Variants in GNA14 observed in about 807,000 individuals in gnomAD.
The protein encoded by GNA14 is guanine nucleotide-binding protein subunit alpha-14.
A neutral mutation model predicts 42.0 loss-of-function variants in GNA14; 50 were observed. The observed-to-expected ratio is 1.19, with a 90% CI of 0.95 to 1.51. The LOEUF (loss-of-function observed/expected upper bound fraction) is 1.51, where lower values mean the gene tolerates loss of function less well. Ranked by LOEUF, GNA14 falls within the 40% of genes most tolerant of loss-of-function variation. The probability of loss-of-function intolerance (pLI) is 0.00; values close to 1 mark genes in which losing one functional copy is unlikely to be tolerated. For synonymous variants in GNA14, 173 were observed against 163.1 expected (o/e 1.06, Z -0.46); for missense variants, 473 against 446.2 (o/e 1.06, Z -0.54).
intron 2 of GNA14, among the ~76,000 whole-genome samples, chr9:77,478,022 A>C (rs1836463744): frequency 7.5e-6 from 1 of 132,900 alleles, no homozygotes; most frequent in Admixed American, 7.6e-5. Context: ...AGACCTTTTT[A>C]AAGGTGTCTT....
chr9:77,629,862 A>C (rs1454118634), intron 1 of GNA14, among the ~76,000 whole-genome samples: 1 of 152,218 alleles, frequency 6.6e-6, no homozygotes, highest in African/African-American at 2.4e-5. Flanking sequence ...CATGTATCCC[A>C]GAACTTAAAG....
In GNA14 at chr9:77,647,849, C is replaced by T; in HGVS notation, c.-56G>A. On this transcript the variant is annotated 5_prime_UTR_variant, in exon 1 of 7. Transcript: ENST00000341700. ...ACGCGGCCCCGGGCACCCGAATCCTCGGCCCGGCCGCTCACCCGGCCAGCA... is the reference window on the plus strand; with the variant it reads ...ACGCGGCCCCGGGCACCCGAATCCTTGGCCCGGCCGCTCACCCGGCCAGCA... 6 of 1,565,742 alleles carry T rather than the reference C, an allele frequency of 3.8e-6. No individual in the cohort carries two copies. Among genetic ancestry groups the T allele is most frequent in the African/African-American group, 1.4e-5 (1 of 73,782 alleles).
intron 1 of GNA14, among the ~76,000 whole-genome samples, chr9:77,610,157 T>G (rs776208962): frequency 9.9e-5 from 15 of 152,190 alleles, no homozygotes; most frequent in Non-Finnish European, 1.5e-5. Context: ...TGTCCTAAGC[T>G]GTTGTCTGTT....
intron 1 of GNA14, among the ~76,000 whole-genome samples, chr9:77,633,802 C>G (rs7865191): frequency 0.24 from 36,714 of 152,026 alleles, 6,264 homozygotes; most frequent in African/African-American, 0.48. Context: ...TCTGGCCAGT[C>G]AATCTTGCCA....
At chr9:77,489,092 A>C (rs1836710654) in intron 2 of GNA14, among the ~76,000 whole-genome samples, 1 of 152,152 alleles carries the variant, frequency 6.6e-6, no homozygotes, top group East Asian at 1.9e-4. Context: ...ATAATAAAGA[A>C]TCAATCAAAT....
chr9:77,601,971 T>C (rs1823573249), intron 1 of GNA14, among the ~76,000 whole-genome samples: 2 of 152,236 alleles, frequency 1.3e-5, no homozygotes, highest in East Asian at 1.9e-4. Context: ...CCAGACAGAC[T>C]GTGCTCAGTC....
chr9:77,533,212 T>A (rs532878641), intron 1 of GNA14, among the ~76,000 whole-genome samples: 1 of 152,338 alleles, frequency 6.6e-6, no homozygotes, highest in South Asian at 2.1e-4. Context: ...AGTCTTGCTC[T>A]GTTGCTCAGA....
At chr9:77,459,031 C>A (rs1053467157) in intron 2 of GNA14, among the ~76,000 whole-genome samples, 2 of 152,000 alleles carry the variant, frequency 1.3e-5, no homozygotes, top group Non-Finnish European at 1.5e-5. Flanking sequence ...AAGGGACATG[C>A]GCAACAATGA....
rs188472734 is a variant in GNA14, at chr9:77,546,709, G to T, written c.125-17456C>A. ...TATCTCTTACTGGTAGCCAAAAAAA[G>T]TTCCTTAAATATCTACATTTAATTT... On this transcript the variant is annotated intron_variant, in intron 1 of 6. Transcript: ENST00000341700. Among the ~76,000 whole-genome samples, 49 of 152,306 alleles carry T rather than the reference G, an allele frequency of 3.2e-4. 1 individual carries two copies. Among genetic ancestry groups the T allele is most frequent in the Admixed American group, 2.5e-3 (39 of 15,308 alleles).
intron 1 of GNA14, among the ~76,000 whole-genome samples, chr9:77,554,414 T>A (rs1394833117): frequency 6.6e-6 from 1 of 152,180 alleles, no homozygotes; most frequent in African/African-American, 2.4e-5. Flanking sequence ...CTATTAGTTG[T>A]CAAAGTTCAA....
chr9:77,446,079 A>C (rs367743988), intron 2 of GNA14, among the ~76,000 whole-genome samples: 6 of 152,288 alleles, frequency 3.9e-5, no homozygotes, highest in African/African-American at 1.2e-4. Context: ...TCTGCAGGGA[A>C]AGGCAGAGGG....
chr9:77,428,794 G>C, intron 5 of GNA14, 113 bp downstream of exon 5: 2 of 1,047,010 alleles, frequency 1.9e-6, no homozygotes, highest in Non-Finnish European at 2.8e-6. Context: ...ACTTTGAGTA[G>C]CAAGACTGTT....
At chr9:77,641,370 A>G (rs1023449563) in intron 1 of GNA14, among the ~76,000 whole-genome samples, 7 of 151,950 alleles carry the variant, frequency 4.6e-5, no homozygotes, top group African/African-American at 1.7e-4. Flanking sequence ...AAATTATGAT[A>G]CAGTGGATAA....
intron 1 of GNA14, among the ~76,000 whole-genome samples, chr9:77,587,306 A>AC (rs896580123): frequency 1.3e-5 from 2 of 152,030 alleles, no homozygotes; most frequent in Non-Finnish European, 2.9e-5. Context: ...AAGCATATAT[A>AC]CCCCCAATAC....
At chr9:77,641,174 A>T (rs189819575) in intron 1 of GNA14, among the ~76,000 whole-genome samples, 5 of 129,240 alleles carry the variant, frequency 3.9e-5, no homozygotes, top group Non-Finnish European at 8.0e-5. Flanking sequence ...GGAAGGAAGG[A>T]AGGGCAAAGG....
At chr9:77,529,358 G>A (rs1476711929) in intron 1 of GNA14, 105 bp from the exon 2 acceptor site, 1 of 880,480 alleles carries the variant, frequency 1.1e-6, no homozygotes, top group Non-Finnish European at 1.9e-6. Context: ...CAATTAATAG[G>A]CTGATGGGTT....
chr9:77,483,876 G>C (rs1026806342), intron 2 of GNA14, among the ~76,000 whole-genome samples: 1 of 151,926 alleles, frequency 6.6e-6, no homozygotes, highest in Admixed American at 6.5e-5. Context: ...TGTAGAATTA[G>C]AATGACATTA....
At chr9:77,611,067 A>G (rs560144168) in intron 1 of GNA14, among the ~76,000 whole-genome samples, 1 of 152,306 alleles carries the variant, frequency 6.6e-6, no homozygotes, top group East Asian at 1.9e-4. Context: ...ATCTAGTCTG[A>G]GCTTCATTCT....
intron 1 of GNA14, among the ~76,000 whole-genome samples, chr9:77,540,072 A>G (rs1328410329): frequency 6.6e-6 from 1 of 151,886 alleles, no homozygotes; most frequent in Non-Finnish European, 1.5e-5. Flanking sequence ...CTTGGGATGC[A>G]TCATTAGGCT....
Sources: gnomAD v4.1 joint callset for allele counts (sites outside exome capture counted in the v4.1 genomes callset) on GRCh38, gnomAD v4.1.1 for gene constraint, MANE v1.5 for transcripts, NCBI Gene and HGNC (gene_info 2026-07-23, HGNC 2026-07-21) for gene names.